MGAT5B: variants seen among roughly 807,000 people sequenced by gnomAD.
MGAT5B encodes N-acetylglucosaminyl-transferase Vb.
A neutral mutation model predicts 95.1 loss-of-function variants in MGAT5B; 54 were observed. That is an observed-to-expected ratio of 0.57 (90% CI 0.46 to 0.71). MGAT5B has a LOEUF of 0.71. MGAT5B is among the 30% of genes least tolerant of loss of function. The pLI, the probability that MGAT5B is intolerant of heterozygous loss-of-function variation, is 0.00. For synonymous variants in MGAT5B, 464 were observed against 451.0 expected (o/e 1.03, Z -0.36); for missense variants, 935 against 1,088.6 (o/e 0.86, Z 1.99).
intron 8 of MGAT5B, among the ~76,000 whole-genome samples, chr17:76,911,047 G>A (rs1567808981): frequency 6.6e-6 from 1 of 152,214 alleles, no homozygotes; most frequent in Non-Finnish European, 1.5e-5. Context: ...TACATTCAGG[G>A]TGGGGGTTCT....
At chr17:76,942,503 G>T (rs188647896) in intron 15 of MGAT5B, among the ~76,000 whole-genome samples, 1 of 152,064 alleles carries the variant, frequency 6.6e-6, no homozygotes. Flanking sequence ...CTCCAGCCTC[G>T]GTGACAGAGC....
At chr17:76,904,000 G>GA (rs1441770513) in intron 5 of MGAT5B, among the ~76,000 whole-genome samples, 1 of 152,236 alleles carries the variant, frequency 6.6e-6, no homozygotes, top group Non-Finnish European at 1.5e-5. Context: ...CCAGACCTTT[G>GA]AGCCAGTGTT....
intron 3 of MGAT5B, among the ~76,000 whole-genome samples, chr17:76,896,227 C>T (rs879901409): frequency 6.6e-6 from 1 of 152,206 alleles, no homozygotes; most frequent in Non-Finnish European, 1.5e-5. Flanking sequence ...AGAAAAACCT[C>T]TCAGGGAGAG....
Position 76,917,973 on chromosome 17 carries a change from C to T in MGAT5B, c.1026-6993C>T, listed in dbSNP as rs773728569. 4.6e-5 allele frequency among the ~76,000 whole-genome samples: 7 copies of T among 152,162 alleles called. No homozygotes were observed. The highest frequency in any genetic ancestry group is 8.8e-5 in the Non-Finnish European group (6 of 68,024). ...TGGGAACGACCGGAGGGCCGAGTTCCCGTTCCTCTTCCTGCAGCCGTGCTG... is the reference window on the plus strand; with the variant it reads ...TGGGAACGACCGGAGGGCCGAGTTCTCGTTCCTCTTCCTGCAGCCGTGCTG... On this transcript the variant is annotated intron_variant, in intron 8 of 17. Coordinates refer to ENST00000569840, the MANE Select transcript of MGAT5B (RefSeq NM_001199172.2). The surrounding 1 kb of genome is among the most constrained non-coding windows in gnomAD (Gnocchi z 6.1).
At chr17:76,890,961 CTT>C (rs150133278) in intron 3 of MGAT5B, among the ~76,000 whole-genome samples, 16,838 of 111,278 alleles carry the variant, frequency 0.15, 1,770 homozygotes, top group African/African-American at 0.35. Flanking sequence ...CTCTGGGGGC[CTT>C]TTTTTTTTTT....
intron 9 of MGAT5B, among the ~76,000 whole-genome samples, chr17:76,925,448 G>A (rs1275875088): frequency 2.0e-5 from 3 of 149,834 alleles, no homozygotes; most frequent in Non-Finnish European, 4.4e-5. Context: ...CCTGCTGTGG[G>A]GACCTTGGGG....
At position 76,938,252 on chromosome 17, in the gene MGAT5B, C is replaced by A; in HGVS notation, c.1584+109C>A. ...GGCCCCTTCCACATATGGACATACCCCAGCATGCTCTGCTGCCCTGAGCCC... is the reference window on the plus strand; with the variant it reads ...GGCCCCTTCCACATATGGACATACCACAGCATGCTCTGCTGCCCTGAGCCC... On this transcript the variant is annotated intron_variant, in intron 13 of 17. Coordinates refer to ENST00000569840, the MANE Select transcript of MGAT5B (RefSeq NM_001199172.2). This position sits in a 1 kb window ranked among gnomAD's most constrained non-coding sequence, Gnocchi z 4.3. 7.2e-7 allele frequency: 1 copy of A among 1,392,328 alleles called. No individual in the cohort carries two copies. Among genetic ancestry groups the A allele is most frequent in the Non-Finnish European group, 9.9e-7 (1 of 1,014,604 alleles). The allele number at this position is 1,392,328 out of a possible 1,614,324, so 86.2% of individuals were successfully genotyped here.
intron 10 of MGAT5B, among the ~76,000 whole-genome samples, chr17:76,928,576 G>T (rs1445288085): frequency 6.6e-6 from 1 of 151,942 alleles, no homozygotes; most frequent in East Asian, 1.9e-4. Context: ...GTGGTCGTGG[G>T]TGCCTGTAAT....
intron 1 of MGAT5B, among the ~76,000 whole-genome samples, chr17:76,872,110 C>T (rs1967031707): frequency 6.6e-6 from 1 of 151,384 alleles, no homozygotes; most frequent in African/African-American, 2.4e-5. Flanking sequence ...ACACCCCTTG[C>T]ACAGGTATGA....
At chr17:76,923,461 A>T (rs575241744) in intron 8 of MGAT5B, among the ~76,000 whole-genome samples, 1 of 152,030 alleles carries the variant, frequency 6.6e-6, no homozygotes, top group African/African-American at 2.4e-5. Flanking sequence ...GCTGCTTCCC[A>T]GTCTGGGTTG....
chr17:76,923,517 C>T (rs763449604), intron 8 of MGAT5B, among the ~76,000 whole-genome samples: 32 of 152,166 alleles, frequency 2.1e-4, no homozygotes, highest in Non-Finnish European at 4.0e-4. Context: ...GATGCACCCA[C>T]CAAGAGCTGT....
In MGAT5B at chr17:76,902,686, C is replaced by A; in HGVS notation, c.445+16C>A. 1 of 1,090,830 alleles carries A rather than the reference C, an allele frequency of 9.2e-7. No homozygotes were observed. Among genetic ancestry groups the A allele is most frequent in the Non-Finnish European group, 1.3e-6 (1 of 784,694 alleles). 67.6% of individuals were successfully genotyped at this position (1,090,830 alleles called of 1,614,324 possible). A position where few individuals can be genotyped will look rare whatever the true frequency, so the allele number is the denominator to read the frequency against. Reference sequence around the variant, plus strand: ...CACAGCAAGGGTGGGTGCCAGGGGGCGGGGGTACCCTCTACCCCTAGGGGG... The same window carrying A: ...CACAGCAAGGGTGGGTGCCAGGGGGAGGGGGTACCCTCTACCCCTAGGGGG... On this transcript the variant is annotated intron_variant, in intron 4 of 17. Transcript: ENST00000569840.
In MGAT5B at chr17:76,948,068, G is replaced by A; in HGVS notation, c.2162G>A (p.Ser721Asn). The A allele has an allele frequency of 6.2e-7, 1 of 1,604,968 alleles. No homozygotes were observed. Among genetic ancestry groups the A allele is most frequent in the Non-Finnish European group, 8.5e-7 (1 of 1,175,268 alleles). The change falls in exon 17 of 18, where the codon AGC becomes AAC. Residue 721 changes from serine to asparagine, a missense_variant. By Grantham distance (46) the Ser-to-Asn change is conservative. Transcript: ENST00000569840. ...CCCTCCTTCTTCCCCTTCCTGAACA[G>A]CCAGGACGCCTTCCTCAAGTGAGTG... ...CEPSFFPFLN[S>N]QDAFLKLQVP...
At chr17:76,947,330 T>TGAGGGG (rs1473376045) in intron 16 of MGAT5B, among the ~76,000 whole-genome samples, 1 of 151,986 alleles carries the variant, frequency 6.6e-6, no homozygotes, top group Admixed American at 6.5e-5. Flanking sequence ...TGTATTCAGG[T>TGAGGGG]GAGGGGGTGA....
At chr17:76,899,283 C>G (rs1383445880) in intron 3 of MGAT5B, among the ~76,000 whole-genome samples, 1 of 152,150 alleles carries the variant, frequency 6.6e-6, no homozygotes, top group African/African-American at 2.4e-5. Context: ...GCCTTAGAGC[C>G]CGGCTCGTCT....
chr17:76,887,104 G>A (rs986678645), intron 3 of MGAT5B, among the ~76,000 whole-genome samples: 2 of 152,108 alleles, frequency 1.3e-5, no homozygotes, highest in African/African-American at 4.8e-5. Context: ...GTCTTAAGCT[G>A]GCGCTGTAGC....
At chr17:76,894,831 T>G in intron 3 of MGAT5B, among the ~76,000 whole-genome samples, 1 of 144,120 alleles carries the variant, frequency 6.9e-6, no homozygotes. Context: ...CCAGCCTGGG[T>G]GACGGAGTGA....
chr17:76,901,924 G>A (rs1598931391), intron 3 of MGAT5B, among the ~76,000 whole-genome samples: 2 of 152,284 alleles, frequency 1.3e-5, no homozygotes, highest in East Asian at 3.8e-4. Context: ...CACACATGCA[G>A]TAATGCACGG....
At chr17:76,920,680 G>A (rs939015807) in intron 8 of MGAT5B, among the ~76,000 whole-genome samples, 1 of 152,060 alleles carries the variant, frequency 6.6e-6, no homozygotes, top group Non-Finnish European at 1.5e-5. Flanking sequence ...AACTCCTCCT[G>A]GGAAGGGGAT....
Sources: gnomAD v4.1 joint callset for allele counts (sites outside exome capture counted in the v4.1 genomes callset) on GRCh38, gnomAD v4.1.1 for gene constraint, Gnocchi (gnomAD v3.1) non-coding constraint, MANE v1.5 for transcripts, NCBI Gene and HGNC (gene_info 2026-07-23, HGNC 2026-07-21) for gene names.